CCDC112: variants seen among roughly 807,000 people sequenced by gnomAD.
The protein encoded by CCDC112 is coiled-coil domain-containing protein 112.
CCDC112 carries 40 observed loss-of-function variants against 66.3 expected under a neutral mutation model. The ratio of observed to expected loss-of-function variants is 0.60; its 90% confidence interval spans 0.47 to 0.79. The LOEUF (loss-of-function observed/expected upper bound fraction) is 0.79, where lower values mean the gene tolerates loss of function less well. CCDC112 is among the 30% of genes least tolerant of loss of function. The probability of loss-of-function intolerance (pLI) is 0.00; values close to 1 mark genes in which losing one functional copy is unlikely to be tolerated. For synonymous variants in CCDC112, 214 were observed against 197.2 expected (o/e 1.09, Z -0.71); for missense variants, 659 against 603.8 (o/e 1.09, Z -0.96).
intron 9 of CCDC112, among the ~76,000 whole-genome samples, 158 bp from the exon 10 acceptor site, chr5:115,268,076 G>A (rs1748821605): frequency 6.6e-6 from 1 of 152,058 alleles, no homozygotes; most frequent in Non-Finnish European, 1.5e-5. Flanking sequence ...CCCTCATTAA[G>A]GTTTTATTTC....
chr5:115,295,202 C>T (rs1254911297), intron 1 of CCDC112, among the ~76,000 whole-genome samples: 1 of 152,150 alleles, frequency 6.6e-6, no homozygotes, highest in African/African-American at 2.4e-5. Flanking sequence ...GATCCAACCC[C>T]TGAGAAGGCA....
Position 115,275,284 on chromosome 5 carries a change from G to A in CCDC112, c.850C>T (p.Gln284Ter). 6.2e-7 allele frequency: 1 copy of A among 1,613,772 alleles called. No homozygotes were observed. Among genetic ancestry groups the A allele is most frequent in the Non-Finnish European group, 8.5e-7 (1 of 1,179,898 alleles). The change falls in exon 6 of 10, where the codon CAA becomes TAA. Residue 284 changes from glutamine to a stop codon, truncating the protein, a stop_gained. Coordinates refer to ENST00000379611, the MANE Select transcript of CCDC112 (RefSeq NM_001040440.3). LOFTEE classifies it high-confidence loss of function. ...EVLEHLPGKT[Q>*]DEVQQHEKWY... ...TTTTCATGCTGTTGAACTTCATCTTGTGTTTTTCCAGGAAGGTGTTCTAGA... is the reference window on the plus strand; with the variant it reads ...TTTTCATGCTGTTGAACTTCATCTTATGTTTTTCCAGGAAGGTGTTCTAGA...
intron 2 of CCDC112, among the ~76,000 whole-genome samples, chr5:115,282,901 C>G (rs1207048387): frequency 1.3e-5 from 2 of 152,034 alleles, no homozygotes; most frequent in African/African-American, 4.8e-5. Context: ...TAGAAACACT[C>G]TTACAATGAG....
At position 115,275,449 on chromosome 5, in the gene CCDC112, G is replaced by A. The variant is rs543575091; in HGVS notation, c.685C>T (p.Leu229Phe). ...VPVDKVTPST[L>F]PEEVLDFEKF... ...TCAAAATCTAGTACCTCTTCTGGAA[G>A]AGTACTTGGTGTTACTTTGTCTACA... Residue 229 changes from leucine to phenylalanine, a missense_variant, in exon 6 of 10, where the codon CTT (leucine) becomes TTT (phenylalanine). By Grantham distance (22) the Leu-to-Phe change is conservative (BLOSUM62 0). Coordinates refer to ENST00000379611, the MANE Select transcript of CCDC112 (RefSeq NM_001040440.3). 1.9e-5 allele frequency: 31 copies of A among 1,614,042 alleles called. No homozygotes were observed. The South Asian group carries it at 3.3e-4, about 17-fold the overall frequency.
Position 115,268,881 on chromosome 5 carries a change from C to G in CCDC112, c.1547+1G>C. On this transcript the variant is annotated splice_donor_variant, in intron 9 of 9. Coordinates refer to ENST00000379611, the MANE Select transcript of CCDC112 (RefSeq NM_001040440.3). LOFTEE classifies it high-confidence loss of function. Reference sequence around the variant, plus strand: ...GAACACCAATTCTAACTCTTTCTTACCTATGTGGGATATGTAGAAGTGGCC... The same window carrying G: ...GAACACCAATTCTAACTCTTTCTTAGCTATGTGGGATATGTAGAAGTGGCC... 1 of 1,551,984 alleles carries G rather than the reference C, an allele frequency of 6.4e-7. No individual in the cohort carries two copies. The highest frequency in any genetic ancestry group is 1.8e-5 in the Admixed American group (1 of 54,364).
intron 1 of CCDC112, among the ~76,000 whole-genome samples, chr5:115,289,693 T>A (rs551848340): frequency 6.6e-6 from 1 of 152,330 alleles, no homozygotes; most frequent in East Asian, 1.9e-4. Flanking sequence ...TCTCCCATAC[T>A]CTGACTTATC....
chr5:115,289,660 C>G (rs1353510020), intron 1 of CCDC112, among the ~76,000 whole-genome samples: 1 of 152,146 alleles, frequency 6.6e-6, no homozygotes, highest in Non-Finnish European at 1.5e-5. Context: ...AGACCCTTAT[C>G]AACATATAAT....
intron 2 of CCDC112, among the ~76,000 whole-genome samples, chr5:115,282,215 T>C: frequency 6.6e-6 from 1 of 152,188 alleles, no homozygotes; most frequent in Non-Finnish European, 1.5e-5. Context: ...AGATAACCTC[T>C]TTTTTAAACA....
At chr5:115,277,961 AT>A (rs1270036204) in intron 3 of CCDC112, among the ~76,000 whole-genome samples, 2 of 152,102 alleles carry the variant, frequency 1.3e-5, no homozygotes, top group Non-Finnish European at 2.9e-5. Context: ...AAAAGTAATT[AT>A]TTTTTTAAGA....
intron 2 of CCDC112, among the ~76,000 whole-genome samples, chr5:115,281,867 T>C (rs913236243): frequency 1.3e-5 from 2 of 152,210 alleles, no homozygotes; most frequent in Non-Finnish European, 2.9e-5. Context: ...TATATTTTGT[T>C]GACAAAACTG....
Position 115,275,496 on chromosome 5 carries a change from C to G in CCDC112, c.638G>C (p.Arg213Thr). 1.9e-6 allele frequency: 3 copies of G among 1,614,040 alleles called. No homozygotes were observed. The highest frequency in any genetic ancestry group is 2.2e-5 in the East Asian group (1 of 44,866). ...LGNSETEKAFRAISSKVPVDK... is the reference protein window; with the variant it reads ...LGNSETEKAFTAISSKVPVDK... ...TACAGGAACTTTGCTTGAGATTGCT[C>G]TGAAAGCTTTCTCTGTTTCTGAATT... Residue 213 changes from arginine (R) to threonine (T), a missense_variant, in exon 6 of 10, where the codon AGA becomes ACA. Physicochemically the swap from Arg to Thr is moderately conservative, Grantham distance 71 (BLOSUM62 -1). Coordinates refer to ENST00000379611, the MANE Select transcript of CCDC112 (RefSeq NM_001040440.3).
chr5:115,284,847 T>C lies in CCDC112; in HGVS notation c.179A>G (p.Gln60Arg). The C allele has an allele frequency of 6.2e-7, 1 of 1,612,478 alleles. No homozygotes were observed. The highest frequency in any genetic ancestry group is 1.1e-5 in the South Asian group (1 of 91,010). The change falls in exon 2 of 10, where the codon CAG becomes CGG. Residue 60 changes from glutamine to arginine, a missense_variant. Transcript: ENST00000379611. ...TGCTTTCTTAGTCTGATTAACTTTC[T>C]GCTTCCAGTTCTGAAGATGAAAAGG... ...IRPFHLQNWK[Q>R]KVNQTKKAEF...
At chr5:115,294,660 T>G (rs1343166058) in intron 1 of CCDC112, among the ~76,000 whole-genome samples, 1 of 152,214 alleles carries the variant, frequency 6.6e-6, no homozygotes, top group African/African-American at 2.4e-5. Flanking sequence ...TTCTCTCTTC[T>G]CAAGAAAATA....
chr5:115,291,435 TTTTTC>T (rs1354838340), intron 1 of CCDC112, among the ~76,000 whole-genome samples: 2 of 152,180 alleles, frequency 1.3e-5, no homozygotes, highest in East Asian at 3.8e-4. Flanking sequence ...CTATTCTGTA[TTTTTC>T]TTTCTTGTGA....
intron 7 of CCDC112, among the ~76,000 whole-genome samples, chr5:115,270,780 A>G (rs1748962280): frequency 6.6e-6 from 1 of 152,190 alleles, no homozygotes; most frequent in Admixed American, 6.5e-5. Context: ...TAATGCCCTA[A>G]GAATACTGAA....
chr5:115,268,753 A>G (rs1748872991), intron 9 of CCDC112, 129 bp downstream of exon 9: 1 of 297,828 alleles, frequency 3.4e-6, no homozygotes, highest in Admixed American at 5.1e-5. Flanking sequence ...ACATTTATAT[A>G]TTATACACAC....
chr5:115,293,185 A>G lies in CCDC112; in HGVS notation c.117+3242T>C, dbSNP rs145627875. Among the ~76,000 whole-genome samples, 188 of 152,336 alleles carry G rather than the reference A, an allele frequency of 1.2e-3. 1 individual carries two copies. Among genetic ancestry groups the G allele is most frequent in the African/African-American group, 4.2e-3 (174 of 41,598 alleles). On this transcript the variant is annotated intron_variant, in intron 1 of 9. Transcript: ENST00000379611. ...TTGCCAGAGGCTGGTGGGGAGGGCA[A>G]GGAAGGAAATAGGTAGTTGGTCAAA...
At chr5:115,279,439 G>C (rs1580800773) in intron 3 of CCDC112, among the ~76,000 whole-genome samples, 1 of 152,158 alleles carries the variant, frequency 6.6e-6, no homozygotes, top group African/African-American at 2.4e-5. Context: ...AATCCAGTTA[G>C]TATGACTAAA....
chr5:115,284,248 G>A (rs2963771), intron 2 of CCDC112, among the ~76,000 whole-genome samples: 30,427 of 152,066 alleles, frequency 0.2, 3,475 homozygotes, highest in Middle Eastern at 0.37. Context: ...AGTGGCTGGA[G>A]CCAGCCTAAG....
Sources: allele counts gnomAD v4.1 joint callset (sites outside exome capture counted in the v4.1 genomes callset), GRCh38; gene constraint gnomAD v4.1.1; transcripts MANE v1.5; gene names NCBI Gene and HGNC (gene_info 2026-07-23, HGNC 2026-07-21).